Variants in APOBEC3G observed in about 807,000 individuals in gnomAD.
APOBEC3G encodes the protein DNA dC->dU-editing enzyme APOBEC-3G.
A neutral mutation model predicts 50.0 loss-of-function variants in APOBEC3G; 44 were observed. The ratio of observed to expected loss-of-function variants is 0.88; its 90% CI spans 0.69 to 1.13. The LOEUF (loss-of-function observed/expected upper bound fraction) is 1.13. APOBEC3G is among the 50% of genes most tolerant of loss of function. The probability of loss-of-function intolerance (pLI) is 0.00; values close to 1 mark genes in which losing one functional copy is unlikely to be tolerated. For synonymous variants in APOBEC3G, 156 were observed against 175.3 expected, an observed-to-expected ratio of 0.89 and a Z score of 0.87; for missense variants, 469 against 492.0, an observed-to-expected ratio of 0.95 and a Z score of 0.44.
rs1928303426 is a variant in APOBEC3G, at chr22:39,079,003, G to A, written c.89G>A (p.Arg30Gln). The change falls in exon 2 of 8, where the codon CGG becomes CAG. Residue 30 changes from arginine (R) to glutamine (Q), a missense_variant. Arg to Gln is a conservative substitution (Grantham distance 43). Transcript: ENST00000407997. ...NFYNRPILSR[R>Q]NTVWLCYEVK... Reference sequence around the variant, plus strand: ...TATAATAGACCCATCCTTTCTCGTCGGAATACCGTCTGGCTGTGCTACGAA... The same window carrying A: ...TATAATAGACCCATCCTTTCTCGTCAGAATACCGTCTGGCTGTGCTACGAA... 10 of 1,614,032 alleles carry A rather than the reference G, an allele frequency of 6.2e-6. No homozygotes were observed. Among genetic ancestry groups the A allele is most frequent in the South Asian group, 5.5e-5 (5 of 91,084 alleles).
chr22:39,085,020 G>C (rs1324027107), intron 5 of APOBEC3G, among the ~76,000 whole-genome samples: 1 of 152,170 alleles, frequency 6.6e-6, no homozygotes, highest in East Asian at 1.9e-4. Context: ...CCCCATCACT[G>C]TCTAACCAGT....
Position 39,077,433 on chromosome 22 carries a change from G to A in APOBEC3G, c.17+55G>A, listed in dbSNP as rs138392464. On this transcript the variant is annotated intron_variant, in intron 1 of 7. Coordinates refer to ENST00000407997, the MANE Select transcript of APOBEC3G (RefSeq NM_021822.4). ...CCTCTGCTGCCCCTTCTTGCCTGGT[G>A]GCTCTGCTGGGCGTCAGCCCTGGCC... 1,294 of 1,561,766 alleles carry A rather than the reference G, an allele frequency of 8.3e-4. 12 individuals carry two copies. The African/African-American group carries it at 0.016, about 19-fold the overall frequency.
At chr22:39,080,490 G>A (rs1454129130) in intron 2 of APOBEC3G, 1 of 175,220 alleles carries the variant, frequency 5.7e-6, no homozygotes, top group South Asian at 1.4e-4. Flanking sequence ...ACAGTCACGT[G>A]GGGGTGAAGG....
At chr22:39,082,786 C>G (rs934257813) in intron 4 of APOBEC3G, 1 of 152,402 alleles carries the variant, frequency 6.6e-6, no homozygotes, top group African/African-American at 2.4e-5. Context: ...TGCAGGGGTT[C>G]CTGTCCTGTG....
intron 5 of APOBEC3G, among the ~76,000 whole-genome samples, chr22:39,084,896 A>G (rs1928627656): frequency 6.6e-6 from 1 of 152,202 alleles, no homozygotes; most frequent in Admixed American, 6.5e-5. Context: ...TGGAGAGGCC[A>G]AATTCTGCTT....
upstream of APOBEC3G, chr22:39,077,223 C>A: frequency 6.9e-7 from 1 of 1,452,562 alleles, no homozygotes; most frequent in South Asian, 1.2e-5. Context: ...AGCGCCTGAG[C>A]AGGAAGCGGG....
chr22:39,085,396 C>T (rs1928649613), intron 5 of APOBEC3G, among the ~76,000 whole-genome samples: 1 of 152,152 alleles, frequency 6.6e-6, no homozygotes, highest in African/African-American at 2.4e-5. Flanking sequence ...GACAGGTCAG[C>T]CTCCCCATGA....
At chr22:39,080,879 GCTCT>G in intron 2 of APOBEC3G, 50 bp from the exon 3 acceptor site, 4 of 1,399,446 alleles carry the variant, frequency 2.9e-6, no homozygotes, top group Admixed American at 2.1e-5. Flanking sequence ...CCCCACCCCT[GCTCT>G]CCTCCTGCTC....
At chr22:39,087,182 C>T in intron 7 of APOBEC3G, 56 bp downstream of exon 7, 2 of 1,611,654 alleles carry the variant, frequency 1.2e-6, no homozygotes, top group East Asian at 2.2e-5. Flanking sequence ...CCTCCCCTCT[C>T]CCCTGCGCCG....
At chr22:39,077,586 C>A (rs188445608) in intron 1 of APOBEC3G, among the ~76,000 whole-genome samples, 3 of 152,104 alleles carry the variant, frequency 2.0e-5, no homozygotes, top group African/African-American at 7.2e-5. Context: ...CCGCCTCCCC[C>A]ATCTGTCCCA....
At chr22:39,078,896 T>C (rs768406183) in intron 1 of APOBEC3G, 36 bp from the exon 2 acceptor site, 1 of 1,612,066 alleles carries the variant, frequency 6.2e-7, no homozygotes, top group Non-Finnish European at 8.5e-7. Context: ...CCAGGAGTGC[T>C]CTCTACATTG....
In APOBEC3G at chr22:39,085,906, A is replaced by T. The variant is rs1048208924; in HGVS notation, c.736-373A>T. On this transcript the variant is annotated intron_variant, in intron 5 of 7. Transcript: ENST00000407997. ...TGTCTCAAAGAAAAGAAAGGAAAAG[A>T]AAAGAAAAGTCATCTTGATAACTGG... Among the ~76,000 whole-genome samples, 5 of 152,202 alleles carry T rather than the reference A, an allele frequency of 3.3e-5. No homozygotes were observed. The East Asian group carries it at 9.6e-4, about 29-fold the overall frequency.
chr22:39,083,642 G>A lies in APOBEC3G; in HGVS notation c.582-89G>A, dbSNP rs1928569430. The A allele has an allele frequency of 2.1e-6, 3 of 1,457,944 alleles. 1 individual carries two copies. Among genetic ancestry groups the A allele is most frequent in the Non-Finnish European group, 9.4e-7 (1 of 1,060,988 alleles). 90.3% of individuals were successfully genotyped at this position (1,457,944 alleles called of 1,614,324 possible). ...GAGCCGGGGGAAGGAAGGAGGGTGG[G>A]GTGCAAGGGAGGAAGCGTGGAGAGG... On this transcript the variant is annotated intron_variant, in intron 4 of 7. Coordinates refer to ENST00000407997, the MANE Select transcript of APOBEC3G (RefSeq NM_021822.4).
At chr22:39,079,885 A>G (rs1187835534) in intron 2 of APOBEC3G, 1 of 151,764 alleles carries the variant, frequency 6.6e-6, no homozygotes, top group Non-Finnish European at 1.5e-5. Context: ...AAATACAAAA[A>G]AAAAAAAAAT....
At chr22:39,080,699 A>G in intron 2 of APOBEC3G, 1 of 538,218 alleles carries the variant, frequency 1.9e-6, no homozygotes, top group South Asian at 2.6e-5. Context: ...TGCAGTTCCC[A>G]CAGCCTCATA....
rs910552728 is a variant in APOBEC3G, at chr22:39,086,495, C to T, written c.952C>T (p.Gln318Ter). The change falls in exon 6 of 8, where the codon CAA (glutamine) becomes TAA (stop). Residue 318 changes from glutamine (Q) to a stop codon, truncating the protein, a stop_gained. Transcript: ENST00000407997. LOFTEE classifies it high-confidence loss of function. ...CIFTARIYDD[Q>*]GRCQEGLRTL... ...CTTCACTGCCCGCATCTATGATGAT[C>T]AAGGAAGATGTCAGGAGGGGCTGCG... is the stretch of plus-strand genomic sequence containing the variant. The T allele has an allele frequency of 3.1e-6, 5 of 1,614,058 alleles. No homozygotes were observed. The East Asian group carries it at 8.9e-5, about 29-fold the overall frequency.
intron 4 of APOBEC3G, chr22:39,082,096 A>T (rs1021951278): frequency 6.3e-6 from 1 of 158,824 alleles, no homozygotes; most frequent in African/African-American, 2.4e-5. Flanking sequence ...ATTTTCTCAC[A>T]CATCTGGAGG....
At chr22:39,079,115 G>A in intron 2 of APOBEC3G, 30 bp downstream of exon 2, 1 of 1,612,022 alleles carries the variant, frequency 6.2e-7, no homozygotes, top group Non-Finnish European at 8.5e-7. Flanking sequence ...CACTTTGCAG[G>A]CAGGAGCTAA....
intron 4 of APOBEC3G, chr22:39,082,656 C>G (rs1223577849): frequency 1.3e-5 from 2 of 152,216 alleles, no homozygotes; most frequent in African/African-American, 4.8e-5. Context: ...GGACCTGTTT[C>G]CAAATACAGC....
Sources: allele counts gnomAD v4.1 joint callset (sites outside exome capture counted in the v4.1 genomes callset), GRCh38; gene constraint gnomAD v4.1.1; transcripts MANE v1.5; gene names NCBI Gene and HGNC (gene_info 2026-07-23, HGNC 2026-07-21).